Variants in COBL observed in about 807,000 individuals in gnomAD.
COBL encodes the protein protein cordon-bleu.
Under a neutral mutation model 98.8 loss-of-function variants are expected in COBL, and 51 were observed. The ratio of observed to expected loss-of-function variants is 0.52; its 90% CI spans 0.41 to 0.65. The LOEUF is 0.65. Ranked by LOEUF, COBL falls within the 30% of genes least tolerant of loss-of-function variation. COBL has a pLI of 0.00. For missense variants in COBL, 1,617 were observed against 1,617.5 expected (o/e 1.00, Z 0.01); for synonymous variants, 634 against 651.7 (o/e 0.97, Z 0.41).
At chr7:51,048,200 T>C (rs1211318004) in intron 7 of COBL, among the ~76,000 whole-genome samples, 6 of 152,190 alleles carry the variant, frequency 3.9e-5, no homozygotes, top group Non-Finnish European at 8.8e-5. Flanking sequence ...AAATAATTTT[T>C]TGGCATATCC....
At chr7:51,316,565 C>T in intron 1 of COBL, 28 bp downstream of exon 1, 1 of 1,207,614 alleles carries the variant, frequency 8.3e-7, no homozygotes, top group Admixed American at 4.4e-5. Flanking sequence ...GCCCCCTCTC[C>T]ACCCCGCCCG....
At chr7:51,074,363 T>C (rs1792859083) in intron 7 of COBL, among the ~76,000 whole-genome samples, 1 of 152,104 alleles carries the variant, frequency 6.6e-6, no homozygotes, top group Admixed American at 6.5e-5. Flanking sequence ...GCCTGGCTAA[T>C]TTTTGTATTT....
At chr7:51,088,230 T>C (rs1794467459) in intron 6 of COBL, among the ~76,000 whole-genome samples, 1 of 152,162 alleles carries the variant, frequency 6.6e-6, no homozygotes, top group Non-Finnish European at 1.5e-5. Context: ...TTTTCAACTT[T>C]TTCTTTCCTC....
chr7:51,214,203 T>C (rs1398952623), intron 2 of COBL, among the ~76,000 whole-genome samples: 2 of 151,638 alleles, frequency 1.3e-5, no homozygotes, highest in African/African-American at 4.8e-5. Flanking sequence ...GAGGCAGAGG[T>C]TGCAGTGAGC....
At chr7:51,073,331 A>G in intron 7 of COBL, 1 of 695,690 alleles carries the variant, frequency 1.4e-6, no homozygotes, top group Non-Finnish European at 2.6e-6. Context: ...GGTCAGGAAG[A>G]GGCCCGTCCA....
chr7:51,305,799 C>T (rs571409575), intron 1 of COBL, among the ~76,000 whole-genome samples: 108 of 103,252 alleles, frequency 1.0e-3, no homozygotes, highest in African/African-American at 4.5e-3. Context: ...CTTTGGGAGG[C>T]CAAGGCGGTG....
chr7:51,207,352 G>A (rs1791837239), intron 2 of COBL, among the ~76,000 whole-genome samples: 2 of 151,978 alleles, frequency 1.3e-5, no homozygotes, highest in South Asian at 4.2e-4. Context: ...AGGTCAATTG[G>A]AAGACTCTAA....
intron 5 of COBL, among the ~76,000 whole-genome samples, chr7:51,177,623 A>C (rs1300014974): frequency 6.6e-6 from 1 of 151,964 alleles, no homozygotes; most frequent in African/African-American, 2.4e-5. Flanking sequence ...AAATACAAAA[A>C]TTAGCCAGCC....
chr7:51,208,753 T>C (rs1358944435), intron 2 of COBL, among the ~76,000 whole-genome samples: 1 of 152,208 alleles, frequency 6.6e-6, no homozygotes, highest in Non-Finnish European at 1.5e-5. Flanking sequence ...TATTGATCTG[T>C]GACCTTACCC....
chr7:51,136,207 G>A lies in COBL; in HGVS notation c.908C>T (p.Pro303Leu). The change falls in exon 6 of 13, where the codon CCT (proline) becomes CTT (leucine). Residue 303 changes from proline to leucine, a missense_variant. This residue lies in a region of COBL where 1,304 missense variants were observed against 1,282.0 expected (regional missense o/e 1.02). Coordinates refer to ENST00000265136, the MANE Select transcript of COBL (RefSeq NM_015198.5). ...AGGTGGCCCTGAACCTGGAGGAGGA[G>A]GGGCTCGGCGCTTCTTCATCTCCGA... ...VKSEMKKRRA[P>L]PPPGSGPPVQ... 1 of 1,613,156 alleles carries A rather than the reference G, an allele frequency of 6.2e-7. No homozygotes were observed. The highest frequency in any genetic ancestry group is 1.7e-5 in the Admixed American group (1 of 60,012).
intron 6 of COBL, among the ~76,000 whole-genome samples, chr7:51,088,552 T>A (rs1794507697): frequency 6.6e-6 from 1 of 152,222 alleles, no homozygotes; most frequent in African/African-American, 2.4e-5. Flanking sequence ...AAGACCACAT[T>A]TTAATTTCCA....
At chr7:51,086,858 C>T (rs1794310731) in intron 6 of COBL, among the ~76,000 whole-genome samples, 1 of 151,674 alleles carries the variant, frequency 6.6e-6, no homozygotes, top group Non-Finnish European at 1.5e-5. Context: ...CCTCCTATAC[C>T]TCTAAAATTC....
At chr7:51,154,470 C>T (rs1785902116) in intron 5 of COBL, among the ~76,000 whole-genome samples, 1 of 152,220 alleles carries the variant, frequency 6.6e-6, no homozygotes, top group African/African-American at 2.4e-5. Context: ...GCAGCAAATC[C>T]TGATCTGGGG....
chr7:51,118,340 G>A (rs1583854470), intron 6 of COBL, among the ~76,000 whole-genome samples: 1 of 152,024 alleles, frequency 6.6e-6, no homozygotes, highest in Admixed American at 6.5e-5. Flanking sequence ...CTGCAATCAA[G>A]GTGTCAGCAG....
At chr7:51,205,702 T>C (rs964758615) in intron 2 of COBL, among the ~76,000 whole-genome samples, 12 of 148,632 alleles carry the variant, frequency 8.1e-5, no homozygotes, top group Admixed American at 2.0e-4. Context: ...AAAGCAAAAA[T>C]AGACAAATAG....
intron 1 of COBL, among the ~76,000 whole-genome samples, chr7:51,288,617 G>C (rs1473501702): frequency 6.6e-6 from 1 of 151,830 alleles, no homozygotes; most frequent in East Asian, 1.9e-4. Context: ...GCCAGGCATG[G>C]TTGGGGGGTG....
chr7:51,270,476 G>A (rs950055244), intron 1 of COBL, among the ~76,000 whole-genome samples: 1 of 152,148 alleles, frequency 6.6e-6, no homozygotes, highest in African/African-American at 2.4e-5. Flanking sequence ...GGGAACATAG[G>A]GTGAATTTTG....
intron 1 of COBL, among the ~76,000 whole-genome samples, chr7:51,301,199 G>C (rs928818526): frequency 1.3e-5 from 2 of 152,162 alleles, no homozygotes. Flanking sequence ...CTCCCTGGCA[G>C]ATCTGTCTCC....
Position 51,316,719 on chromosome 7 carries a change from A to G in COBL, c.-86T>C, listed in dbSNP as rs1803650482. 2 of 1,056,290 alleles carry G rather than the reference A, an allele frequency of 1.9e-6. No homozygotes were observed. Among genetic ancestry groups the G allele is most frequent in the Non-Finnish European group, 2.4e-6 (2 of 839,134 alleles). 65.4% of individuals were successfully genotyped at this position (1,056,290 alleles called of 1,614,324 possible). A position where few individuals can be genotyped will look rare whatever the true frequency, so the allele number is the denominator to read the frequency against. On this transcript the variant is annotated 5_prime_UTR_variant, in exon 1 of 13. Coordinates refer to ENST00000265136, the MANE Select transcript of COBL (RefSeq NM_015198.5). ...GCCGCCACCGCTGCCGCCCTCATTC[A>G]CTTTTTCCGCGCTGACCCATCGTCC...
Sources: gnomAD v4.1 joint callset for allele counts (sites outside exome capture counted in the v4.1 genomes callset) on GRCh38, gnomAD v4.1.1 for gene constraint, gnomAD v4.1.1 regional missense constraint, MANE v1.5 for transcripts, NCBI Gene and HGNC (gene_info 2026-07-23, HGNC 2026-07-21) for gene names.